Variants in TSPAN5 observed in about 807,000 individuals in gnomAD.
The protein encoded by TSPAN5 is tetraspanin-5.
Under a neutral mutation model 37.1 loss-of-function variants are expected in TSPAN5, and 10 were observed. The ratio of observed to expected loss-of-function variants is 0.27; its 90% CI spans 0.17 to 0.46. The LOEUF (loss-of-function observed/expected upper bound fraction) is 0.46. Among genes scored for constraint, TSPAN5 ranks in the 20% least tolerant of loss-of-function variants. The probability of loss-of-function intolerance (pLI) is 1.00; values close to 1 mark genes in which losing one functional copy is unlikely to be tolerated. For missense variants in TSPAN5, 195 were observed against 326.6 expected, an observed-to-expected ratio of 0.60 and a Z score of 3.11; for synonymous variants, 110 against 118.9, an observed-to-expected ratio of 0.93 and a Z score of 0.48.
intron 2 of TSPAN5, among the ~76,000 whole-genome samples, chr4:98,503,320 C>G (rs1304932609): frequency 6.6e-6 from 1 of 152,120 alleles, no homozygotes; most frequent in African/African-American, 2.4e-5. Context: ...AGCTTCCTCT[C>G]CATGGTGCAG....
intron 2 of TSPAN5, among the ~76,000 whole-genome samples, chr4:98,500,808 G>T (rs1044709270): frequency 6.6e-6 from 1 of 152,184 alleles, no homozygotes; most frequent in African/African-American, 2.4e-5. Context: ...GGTAGGAACT[G>T]AGAATAAAGG....
chr4:98,640,544 T>C (rs7671702), intron 1 of TSPAN5, among the ~76,000 whole-genome samples: 76,279 of 151,930 alleles, frequency 0.5, 19,238 homozygotes, highest in South Asian at 0.54. Flanking sequence ...CCAGGCCATG[T>C]CAGGAATGGA....
intron 1 of TSPAN5, among the ~76,000 whole-genome samples, chr4:98,615,743 T>C (rs955406824): frequency 1.3e-5 from 2 of 152,112 alleles, no homozygotes; most frequent in African/African-American, 2.4e-5. Flanking sequence ...ACTTTTTGTA[T>C]ACACACACAC....
chr4:98,539,378 CACCAAAACACAAATGTCAGG>C (rs2110139231), intron 1 of TSPAN5, among the ~76,000 whole-genome samples: 1 of 152,268 alleles, frequency 6.6e-6, no homozygotes, highest in African/African-American at 2.4e-5. Context: ...GCAGCAGGTT[CACCAAAACACAAATGTCAGG>C]ACCAAGGCGC....
Position 98,473,609 on chromosome 4 carries a change from G to A in TSPAN5, c.742-1022C>T, listed in dbSNP as rs957911192. Among the ~76,000 whole-genome samples, 19 of 152,016 alleles carry A rather than the reference G, an allele frequency of 1.2e-4. No homozygotes were observed. In the South Asian group the frequency reaches 1.9e-3, roughly 15 times the overall value. ...CGAGTAGCTGGGACTACAGGCGCCCGCCACCGCGCCCGGCTAATTTTTTGT... is the reference window on the plus strand; with the variant it reads ...CGAGTAGCTGGGACTACAGGCGCCCACCACCGCGCCCGGCTAATTTTTTGT... On this transcript the variant is annotated intron_variant, in intron 7 of 7. Transcript: ENST00000305798.
chr4:98,505,116 T>A (rs56113765), intron 2 of TSPAN5, among the ~76,000 whole-genome samples: 1 of 152,028 alleles, frequency 6.6e-6, no homozygotes, highest in Non-Finnish European at 1.5e-5. Flanking sequence ...TATCATTACA[T>A]TGGGGATGAG....
At chr4:98,474,912 T>G (rs540456192) in intron 7 of TSPAN5, among the ~76,000 whole-genome samples, 63 of 152,322 alleles carry the variant, frequency 4.1e-4, no homozygotes, top group African/African-American at 1.5e-3. Flanking sequence ...ACTCCTGGGC[T>G]CAAGCCATCC....
At chr4:98,501,282 G>A (rs750554206) in intron 2 of TSPAN5, among the ~76,000 whole-genome samples, 9 of 152,068 alleles carry the variant, frequency 5.9e-5, no homozygotes, top group Non-Finnish European at 1.0e-4. Flanking sequence ...TGTAAGAATC[G>A]CTAATATAGT....
At chr4:98,608,710 A>G (rs773867169) in intron 1 of TSPAN5, among the ~76,000 whole-genome samples, 4 of 152,208 alleles carry the variant, frequency 2.6e-5, no homozygotes, top group South Asian at 2.1e-4. Context: ...GGGGGGAAAT[A>G]GACTATGTAA....
At chr4:98,550,321 C>A (rs77523016) in intron 1 of TSPAN5, among the ~76,000 whole-genome samples, 1 of 152,062 alleles carries the variant, frequency 6.6e-6, no homozygotes, top group Admixed American at 6.6e-5. Flanking sequence ...TAACGTGACG[C>A]CTCTAGATTT....
intron 1 of TSPAN5, among the ~76,000 whole-genome samples, chr4:98,561,202 G>A (rs965248187): frequency 1.3e-5 from 2 of 152,164 alleles, no homozygotes; most frequent in African/African-American, 4.8e-5. Context: ...CACATAAAAC[G>A]GAACACAATG....
At chr4:98,646,346 T>C (rs1268561308) in intron 1 of TSPAN5, among the ~76,000 whole-genome samples, 1 of 152,116 alleles carries the variant, frequency 6.6e-6, no homozygotes, top group East Asian at 1.9e-4. Flanking sequence ...GACCAAAATA[T>C]GCAGGATTTA....
chr4:98,571,820 C>T (rs1051219920), intron 1 of TSPAN5, among the ~76,000 whole-genome samples: 3 of 152,124 alleles, frequency 2.0e-5, no homozygotes, highest in African/African-American at 4.8e-5. Flanking sequence ...TTTGTTCACA[C>T]GTTCAAGAAA....
chr4:98,486,009 T>C (rs1202515202), intron 3 of TSPAN5, among the ~76,000 whole-genome samples: 1 of 152,174 alleles, frequency 6.6e-6, no homozygotes, highest in Admixed American at 6.5e-5. Flanking sequence ...CCAAGCTCCA[T>C]GCTGACAGGC....
intron 1 of TSPAN5, among the ~76,000 whole-genome samples, chr4:98,620,017 T>C (rs11097625): frequency 0.57 from 87,392 of 151,990 alleles, 26,510 homozygotes; most frequent in African/African-American, 0.77. Context: ...CACAAACATT[T>C]AGACGTAGCA....
At chr4:98,580,298 T>C (rs1187139264) in intron 1 of TSPAN5, among the ~76,000 whole-genome samples, 1 of 152,210 alleles carries the variant, frequency 6.6e-6, no homozygotes, top group Non-Finnish European at 1.5e-5. Flanking sequence ...GACTGCACAG[T>C]TGAGTCCATC....
intron 1 of TSPAN5, among the ~76,000 whole-genome samples, chr4:98,577,600 T>C (rs549798834): frequency 1.1e-3 from 175 of 152,326 alleles, no homozygotes; most frequent in African/African-American, 4.1e-3. Flanking sequence ...TTATCACATT[T>C]GACAAAAGTG....
intron 1 of TSPAN5, among the ~76,000 whole-genome samples, chr4:98,615,842 A>G (rs917581831): frequency 1.3e-5 from 2 of 152,186 alleles, no homozygotes; most frequent in African/African-American, 2.4e-5. Context: ...CACACTTACA[A>G]TGAGGGGCAA....
intron 1 of TSPAN5, among the ~76,000 whole-genome samples, chr4:98,539,157 C>A (rs1006097561): frequency 4.0e-5 from 6 of 149,440 alleles, no homozygotes; most frequent in Non-Finnish European, 7.4e-5. Context: ...AAAAAAAAAA[C>A]CAAAAAACCT....
Sources: allele counts gnomAD v4.1 joint callset (sites outside exome capture counted in the v4.1 genomes callset), GRCh38; gene constraint gnomAD v4.1.1; transcripts MANE v1.5; gene names NCBI Gene and HGNC (gene_info 2026-07-23, HGNC 2026-07-21).